The following BNC2 variants were observed in gnomAD, a reference collection of about 807,000 sequenced individuals.
BNC2 encodes the protein basonuclin zinc finger protein 2.
In BNC2, 20 loss-of-function variants were observed where a neutral mutation model predicts 76.3. The observed-to-expected ratio is 0.26, with a 90% CI of 0.18 to 0.38. The LOEUF (loss-of-function observed/expected upper bound fraction) is 0.38, where lower values mean the gene tolerates loss of function less well. BNC2 is among the 10% of genes least tolerant of loss of function. The pLI is 1.00. For missense variants in BNC2, 1,382 were observed against 1,399.8 expected (o/e 0.99, Z 0.20); for synonymous variants, 582 against 514.8 (o/e 1.13, Z -1.77).
intron 1 of BNC2, among the ~76,000 whole-genome samples, chr9:16,772,012 T>C (rs1423255272): frequency 6.6e-6 from 1 of 152,204 alleles, no homozygotes; most frequent in East Asian, 1.9e-4. Flanking sequence ...AAGTGAATAA[T>C]AACTAATATG....
At chr9:16,633,606 A>G (rs377240621) in intron 3 of BNC2, among the ~76,000 whole-genome samples, 3 of 152,322 alleles carry the variant, frequency 2.0e-5, no homozygotes, top group Middle Eastern at 3.4e-3. Context: ...AAACCATTCA[A>G]AAGTTTTTAT....
At chr9:16,848,309 T>C (rs1174354606) in intron 1 of BNC2, among the ~76,000 whole-genome samples, 1 of 152,134 alleles carries the variant, frequency 6.6e-6, no homozygotes, top group Non-Finnish European at 1.5e-5. Context: ...AAGTCAGGTG[T>C]AGTGAAGAGG....
rs1820992376 is a variant in BNC2, at chr9:16,626,371, AAAGAATAT to A, written c.331-43294_331-43287del. ...TTAAATGCAAAGGCGATAAATGCTT[AAAGAATAT>A]AATAAAAGTCGAAGTGTTTTTTCCT... On this transcript the variant is annotated intron_variant, in intron 3 of 6. Coordinates refer to ENST00000380672, the MANE Select transcript of BNC2 (RefSeq NM_017637.6). 3 of 152,218 alleles carry A rather than the reference AAAGAATAT, an allele frequency of 2.0e-5. No homozygotes were observed. The South Asian group carries it at 6.2e-4, about 32-fold the overall frequency. 9.4% of individuals were successfully genotyped at this position (152,218 alleles called of 1,614,324 possible).
At chr9:16,710,785 C>T (rs1311262835) in intron 3 of BNC2, among the ~76,000 whole-genome samples, 3 of 151,812 alleles carry the variant, frequency 2.0e-5, no homozygotes, top group African/African-American at 4.8e-5. Context: ...GACTTCAGTA[C>T]ATTTGTGACT....
intron 5 of BNC2, among the ~76,000 whole-genome samples, chr9:16,448,914 T>C (rs1821283292): frequency 6.6e-6 from 1 of 152,210 alleles, no homozygotes; most frequent in South Asian, 2.1e-4. Flanking sequence ...TGTATAATTA[T>C]AAATCCACAT....
At chr9:16,845,407 C>T (rs1476181761) in intron 1 of BNC2, among the ~76,000 whole-genome samples, 4 of 152,120 alleles carry the variant, frequency 2.6e-5, no homozygotes, top group South Asian at 2.1e-4. Context: ...TAGAAAGAAA[C>T]CACGGTAGTT....
chr9:16,585,911 C>T (rs1052369595), intron 3 of BNC2, among the ~76,000 whole-genome samples: 5 of 151,984 alleles, frequency 3.3e-5, no homozygotes, highest in African/African-American at 7.2e-5. Context: ...ATTCTGTGAA[C>T]TACACACTTT....
At chr9:16,650,643 T>C (rs1337390) in intron 3 of BNC2, among the ~76,000 whole-genome samples, 92,175 of 151,938 alleles carry the variant, frequency 0.61, 29,461 homozygotes, top group African/African-American at 0.82. Flanking sequence ...TCTATAAATA[T>C]GTAATACAGC....
intron 4 of BNC2, among the ~76,000 whole-genome samples, chr9:16,570,278 GAA>G (rs1039581878): frequency 2.0e-5 from 3 of 152,116 alleles, no homozygotes; most frequent in African/African-American, 7.2e-5. Flanking sequence ...CTAAAAGAAA[GAA>G]ATTATTATAC....
At chr9:16,724,955 A>G (rs1465997384) in intron 3 of BNC2, among the ~76,000 whole-genome samples, 1 of 152,104 alleles carries the variant, frequency 6.6e-6, no homozygotes, top group African/African-American at 2.4e-5. Flanking sequence ...CTATTAAAGA[A>G]AACTTTAAAA....
chr9:16,648,964 T>C (rs907161700), intron 3 of BNC2, among the ~76,000 whole-genome samples: 1 of 152,230 alleles, frequency 6.6e-6, no homozygotes, highest in Non-Finnish European at 1.5e-5. Flanking sequence ...CAATGATATC[T>C]TTATGTGCTA....
chr9:16,728,033 C>T (rs1824400857), intron 2 of BNC2, 36 bp from the exon 3 acceptor site: 5 of 1,569,738 alleles, frequency 3.2e-6, no homozygotes, highest in Admixed American at 1.7e-5. Context: ...AGCCTCTTGG[C>T]AGCCAGTAGC....
intron 5 of BNC2, among the ~76,000 whole-genome samples, chr9:16,538,944 C>T (rs10962477): frequency 0.28 from 42,595 of 151,970 alleles, 6,187 homozygotes; most frequent in African/African-American, 0.36. Context: ...CAGTGATCTC[C>T]CCTTTCCCTT....
At chr9:16,801,403 A>G (rs79334076) in intron 1 of BNC2, among the ~76,000 whole-genome samples, 1 of 144,712 alleles carries the variant, frequency 6.9e-6, no homozygotes, top group African/African-American at 2.5e-5. Context: ...TAATTTTTCT[A>G]TTTTTTTTTT....
chr9:16,430,090 G>A (rs929163289), intron 6 of BNC2: 23 of 455,660 alleles, frequency 5.0e-5, no homozygotes, highest in African/African-American at 3.8e-4. Flanking sequence ...AATTACTCAG[G>A]AGGGGGATGT....
At chr9:16,477,903 C>T (rs751145910) in intron 5 of BNC2, among the ~76,000 whole-genome samples, 1 of 152,178 alleles carries the variant, frequency 6.6e-6, no homozygotes, top group South Asian at 2.1e-4. Context: ...GGGTACCTGG[C>T]CCCCAATTTG....
At chr9:16,665,015 G>A (rs1403787521) in intron 3 of BNC2, 3 of 455,528 alleles carry the variant, frequency 6.6e-6, no homozygotes, top group South Asian at 4.7e-5. Context: ...AGATATCACA[G>A]CAACTATCCT....
chr9:16,453,701 T>A (rs1360297056), intron 5 of BNC2, among the ~76,000 whole-genome samples: 2 of 152,142 alleles, frequency 1.3e-5, no homozygotes, highest in African/African-American at 2.4e-5. Context: ...AAGTTCCAGC[T>A]ACTTCCATAT....
At chr9:16,439,727 A>T (rs75731202) in intron 5 of BNC2, among the ~76,000 whole-genome samples, 1,706 of 152,278 alleles carry the variant, frequency 0.011, 30 homozygotes, top group African/African-American at 0.039. Context: ...TTACTTTTTT[A>T]AAAAAGCTCT....
Sources: allele counts gnomAD v4.1 joint callset (sites outside exome capture counted in the v4.1 genomes callset), GRCh38; gene constraint gnomAD v4.1.1; transcripts MANE v1.5; gene names NCBI Gene and HGNC (gene_info 2026-07-23, HGNC 2026-07-21).